The following SLC9C1 variants were observed in gnomAD, a reference collection of about 807,000 sequenced individuals.
The protein encoded by SLC9C1 is solute carrier family 9 member C1.
Under a neutral mutation model 140.9 loss-of-function variants are expected in SLC9C1, and 97 were observed. The observed-to-expected ratio is 0.69, with a 90% CI of 0.58 to 0.82. SLC9C1 has a LOEUF of 0.82. Ranked by LOEUF, SLC9C1 falls within the 40% of genes least tolerant of loss-of-function variation. The pLI, the probability that SLC9C1 is intolerant of heterozygous loss-of-function variation, is 0.00. For missense variants in SLC9C1, 1,340 were observed against 1,389.3 expected (o/e 0.96, Z 0.56); for synonymous variants, 440 against 442.6 (o/e 0.99, Z 0.07).
At chr3:112,222,368 T>C (rs1393509081) in intron 13 of SLC9C1, among the ~76,000 whole-genome samples, 1 of 152,202 alleles carries the variant, frequency 6.6e-6, no homozygotes, top group East Asian at 1.9e-4. Context: ...TTGGAAGATA[T>C]TAAGTGAAAT....
Position 112,264,225 on chromosome 3 carries a change from T to A in SLC9C1, c.997A>T (p.Ile333Phe), listed in dbSNP as rs754088532. The A allele has an allele frequency of 1.6e-5, 20 of 1,253,512 alleles. No individual in the cohort carries two copies. The highest frequency in any genetic ancestry group is 2.1e-5 in the Non-Finnish European group (20 of 950,402). 77.6% of individuals were successfully genotyped at this position (1,253,512 alleles called of 1,614,324 possible). The change falls in exon 9 of 29, where the codon ATC (isoleucine) becomes TTC (phenylalanine). Residue 333 changes from isoleucine to phenylalanine, a missense_variant. Ile to Phe is a conservative substitution (Grantham distance 21). Coordinates refer to ENST00000305815, the MANE Select transcript of SLC9C1 (RefSeq NM_183061.3). ...EFVDIYYSLN[I>F]YLTLIVLRFL... ...CTTAAAACAATCAATGTTAAGTAGA[T>A]ATTTAATGAATAGTATATATCAACA...
At chr3:112,163,621 A>G (rs200600806) in intron 26 of SLC9C1, among the ~76,000 whole-genome samples, 9 of 151,790 alleles carry the variant, frequency 5.9e-5, no homozygotes, top group African/African-American at 1.7e-4. Context: ...GTTTGATTGC[A>G]CTGTGGTCTG....
chr3:112,176,646 A>C (rs1294120230), intron 23 of SLC9C1, among the ~76,000 whole-genome samples: 1 of 152,070 alleles, frequency 6.6e-6, no homozygotes, highest in African/African-American at 2.4e-5. Context: ...AGATTATTTT[A>C]TCTTCTTCTG....
At chr3:112,239,790 A>G (rs202238781) in intron 12 of SLC9C1, 50 bp downstream of exon 12, 8 of 1,451,786 alleles carry the variant, frequency 5.5e-6, no homozygotes, top group Non-Finnish European at 6.6e-6. Flanking sequence ...TTTATACTTC[A>G]GTATAATCAA....
chr3:112,246,334 T>G (rs1163011301), intron 10 of SLC9C1, among the ~76,000 whole-genome samples: 2 of 152,132 alleles, frequency 1.3e-5, no homozygotes, highest in East Asian at 3.8e-4. Flanking sequence ...TTAAAAAACC[T>G]TTAAAGTTTC....
At chr3:112,287,726 G>A (rs2080550850) in intron 1 of SLC9C1, among the ~76,000 whole-genome samples, 1 of 152,094 alleles carries the variant, frequency 6.6e-6, no homozygotes, top group African/African-American at 2.4e-5. Context: ...CCTTCTATCA[G>A]CATCTCATAT....
chr3:112,233,294 T>A (rs960115001), intron 12 of SLC9C1, among the ~76,000 whole-genome samples: 1 of 151,998 alleles, frequency 6.6e-6, no homozygotes, highest in Non-Finnish European at 1.5e-5. Context: ...CTCAAACTGC[T>A]TGGCTCAAGC....
At chr3:112,257,843 C>T (rs2079652590) in intron 10 of SLC9C1, among the ~76,000 whole-genome samples, 1 of 152,040 alleles carries the variant, frequency 6.6e-6, no homozygotes, top group Admixed American at 6.6e-5. Context: ...GGAACTTAAA[C>T]AAATTTACAA....
chr3:112,216,225 A>C (rs2078363717), intron 15 of SLC9C1, among the ~76,000 whole-genome samples: 1 of 152,244 alleles, frequency 6.6e-6, no homozygotes, highest in Non-Finnish European at 1.5e-5. Context: ...TTAAAGACTT[A>C]AATGTTAGAC....
intron 10 of SLC9C1, among the ~76,000 whole-genome samples, chr3:112,256,033 G>A (rs572470078): frequency 2.2e-5 from 3 of 136,444 alleles, no homozygotes; most frequent in African/African-American, 5.0e-5. Flanking sequence ...CAACCAGGAA[G>A]AAAGTGTTTC....
At chr3:112,247,758 CATTTTATA>C (rs3082449) in intron 10 of SLC9C1, among the ~76,000 whole-genome samples, 89,638 of 151,682 alleles carry the variant, frequency 0.59, 26,987 homozygotes, top group East Asian at 0.79. Flanking sequence ...TAACCATATA[CATTTTATA>C]ATATCAGAAC....
At chr3:112,260,639 T>C (rs1316499695) in intron 10 of SLC9C1, among the ~76,000 whole-genome samples, 1 of 152,142 alleles carries the variant, frequency 6.6e-6, no homozygotes, top group Admixed American at 6.6e-5. Flanking sequence ...GATTCTAGTC[T>C]TTCTTCAAAT....
At chr3:112,224,127 A>G (rs2078615570) in intron 13 of SLC9C1, among the ~76,000 whole-genome samples, 3 of 152,188 alleles carry the variant, frequency 2.0e-5, no homozygotes, top group Admixed American at 6.5e-5. Flanking sequence ...CCTCATTCAC[A>G]AGGGAGCAGA....
chr3:112,163,732 A>T (rs1020987473), intron 26 of SLC9C1, among the ~76,000 whole-genome samples: 7 of 152,168 alleles, frequency 4.6e-5, no homozygotes, highest in African/African-American at 1.7e-4. Context: ...GTGGTGCTGA[A>T]AAAAATGTAT....
intron 25 of SLC9C1, 64 bp from the exon 26 acceptor site, chr3:112,167,411 G>A: frequency 8.8e-6 from 13 of 1,475,766 alleles, no homozygotes; most frequent in South Asian, 1.4e-5. Flanking sequence ...AATTTACCTA[G>A]TAAGCTGCTA....
In SLC9C1 at chr3:112,218,446, T is replaced by TATA. The variant is rs774565916; in HGVS notation, c.1671-886_1671-885insTAT. Among the ~76,000 whole-genome samples, 41 of 61,104 alleles carry TATA rather than the reference T, an allele frequency of 6.7e-4. 1 individual carries two copies. Among genetic ancestry groups the TATA allele is most frequent in the Middle Eastern group, 0.016 (2 of 128 alleles). The allele number at this position is 61,104 out of a possible 152,430, so 40.1% of individuals were successfully genotyped here. ...TCTTACTTTAAAACTTGTATATATA[T>TATA]TTTTTTTTTTACTACAGGGATACTA... On this transcript the variant is annotated intron_variant, in intron 14 of 28. Transcript: ENST00000305815.
chr3:112,204,670 T>C (rs2077997059), intron 16 of SLC9C1, among the ~76,000 whole-genome samples: 1 of 152,052 alleles, frequency 6.6e-6, no homozygotes, highest in Admixed American at 6.6e-5. Flanking sequence ...CAGTAAAAAG[T>C]AGCGACAATG....
chr3:112,216,063 C>A (rs2108099287), intron 15 of SLC9C1, among the ~76,000 whole-genome samples: 1 of 152,268 alleles, frequency 6.6e-6, no homozygotes, highest in South Asian at 2.1e-4. Context: ...ACATCTACAA[C>A]CATCTGATCT....
chr3:112,216,097 A>C (rs1409422073), intron 15 of SLC9C1, among the ~76,000 whole-genome samples: 5 of 152,276 alleles, frequency 3.3e-5, no homozygotes, highest in South Asian at 2.1e-4. Flanking sequence ...GAAAAACAAG[A>C]AATGGGGAAA....
Sources: allele counts gnomAD v4.1 joint callset (sites outside exome capture counted in the v4.1 genomes callset), GRCh38; gene constraint gnomAD v4.1.1; transcripts MANE v1.5; gene names NCBI Gene and HGNC (gene_info 2026-07-23, HGNC 2026-07-21).